The following UPF3A variants were observed in gnomAD, a reference collection of about 807,000 sequenced individuals.
UPF3A encodes UPF3A regulator of nonsense mediated mRNA decay.
A neutral mutation model predicts 53.5 loss-of-function variants in UPF3A; 42 were observed. That is an observed-to-expected ratio of 0.78 (90% CI 0.61 to 1.01). The LOEUF is 1.01. Ranked by LOEUF, UPF3A falls within the 50% of genes least tolerant of loss-of-function variation. The probability of loss-of-function intolerance (pLI) is 0.00; values close to 1 mark genes in which losing one functional copy is unlikely to be tolerated. For synonymous variants in UPF3A, 237 were observed against 225.3 expected (o/e 1.05, Z -0.47); for missense variants, 575 against 598.0 (o/e 0.96, Z 0.40).
At position 114,295,519 on chromosome 13, in the gene UPF3A, C is replaced by T. The variant is rs2085872920; in HGVS notation, c.847-3321C>T. 2.6e-5 allele frequency among the ~76,000 whole-genome samples: 4 copies of T among 152,338 alleles called. 1 individual carries two copies. In the South Asian group the frequency reaches 8.3e-4, roughly 32 times the overall value. On this transcript the variant is annotated intron_variant, in intron 7 of 9. Coordinates refer to ENST00000375299, the MANE Select transcript of UPF3A (RefSeq NM_023011.4). ...TCCACAGGGACTTCCCCAGATGTGC[C>T]CGTGGCTCCTTCTTGGCATCTGGTC... is the stretch of plus-strand genomic sequence containing the variant.
At chr13:114,281,906 A>AGGGGAGGGAGGGGAGGGG (rs2084059822) in intron 1 of UPF3A, 60 bp downstream of exon 1, 1 of 489,470 alleles carries the variant, frequency 2.0e-6, no homozygotes, top group African/African-American at 2.7e-5. Flanking sequence ...GAGTGGAGGG[A>AGGGGAGGGAGGGGAGGGG]GGGGAGGGAG....
intron 2 of UPF3A, 86 bp from the exon 3 acceptor site, chr13:114,282,751 G>C (rs1481188112): frequency 6.5e-7 from 1 of 1,537,944 alleles, no homozygotes; most frequent in Non-Finnish European, 8.8e-7. Flanking sequence ...AAAGTAGTTT[G>C]TTGTGCCCAG....
chr13:114,297,220 C>G (rs2086127862), intron 7 of UPF3A, among the ~76,000 whole-genome samples: 1 of 147,354 alleles, frequency 6.8e-6, no homozygotes, highest in African/African-American at 2.5e-5. Context: ...TGTGGTGCTT[C>G]CGTTTTTTTT....
chr13:114,302,475 C>CT (rs369189119), intron 9 of UPF3A, among the ~76,000 whole-genome samples: 4,229 of 150,276 alleles, frequency 0.028, 207 homozygotes, highest in African/African-American at 0.098. Context: ...AAGCAAACAA[C>CT]TTTTTTTTTT....
intron 1 of UPF3A, 30 bp from the exon 2 acceptor site, chr13:114,281,991 C>G: frequency 6.5e-7 from 1 of 1,535,564 alleles, no homozygotes; most frequent in East Asian, 2.5e-5. Context: ...ACGCTCCGCC[C>G]CGGTGGGAAC....
chr13:114,292,315 G>A (rs536406830), intron 7 of UPF3A, among the ~76,000 whole-genome samples: 3 of 148,886 alleles, frequency 2.0e-5, no homozygotes, highest in Non-Finnish European at 3.0e-5. Flanking sequence ...GACTCAAGGC[G>A]TACACGTGCA....
At chr13:114,283,046 AG>A in intron 3 of UPF3A, 103 bp downstream of exon 3, 1 of 934,380 alleles carries the variant, frequency 1.1e-6, no homozygotes, top group Non-Finnish European at 1.6e-6. Flanking sequence ...TTTTTGAGAC[AG>A]GGTCTTGCTC....
At chr13:114,294,600 C>T (rs141444390) in intron 7 of UPF3A, among the ~76,000 whole-genome samples, 40 of 152,252 alleles carry the variant, frequency 2.6e-4, no homozygotes, top group African/African-American at 8.2e-4. Context: ...CCGAGGCGGG[C>T]GTATCACGAG....
At chr13:114,297,556 G>T (rs1404136158) in intron 7 of UPF3A, among the ~76,000 whole-genome samples, 1 of 152,204 alleles carries the variant, frequency 6.6e-6, no homozygotes, top group Non-Finnish European at 1.5e-5. Flanking sequence ...TATTGGCCGG[G>T]CATGGTGGCT....
chr13:114,304,509 C>T (rs760215402), intron 9 of UPF3A, among the ~76,000 whole-genome samples: 1 of 152,154 alleles, frequency 6.6e-6, no homozygotes, highest in Non-Finnish European at 1.5e-5. Flanking sequence ...GTTCACTTCC[C>T]AACTCAGAGG....
chr13:114,290,734 C>CTTTTTTTTTTT (rs112441605), intron 5 of UPF3A, among the ~76,000 whole-genome samples: 1 of 138,424 alleles, frequency 7.2e-6, no homozygotes, highest in Non-Finnish European at 1.6e-5. Context: ...TCTTTTTTTT[C>CTTTTTTTTTTT]TTTTTTTTTT....
chr13:114,288,025 G>A (rs1878265193), intron 5 of UPF3A, among the ~76,000 whole-genome samples: 1 of 152,160 alleles, frequency 6.6e-6, no homozygotes, highest in Non-Finnish European at 1.5e-5. Context: ...GGCTGGTCTT[G>A]AACTCCTGAT....
chr13:114,299,572 T>C (rs1012570925), intron 8 of UPF3A, among the ~76,000 whole-genome samples: 1 of 152,224 alleles, frequency 6.6e-6, no homozygotes, highest in African/African-American at 2.4e-5. Flanking sequence ...GTCCTCCCTT[T>C]TTCTTTTCCT....
At chr13:114,289,489 A>C (rs2085066062) in intron 5 of UPF3A, among the ~76,000 whole-genome samples, 1 of 147,228 alleles carries the variant, frequency 6.8e-6, no homozygotes, top group South Asian at 2.1e-4. Context: ...ACGCCACTGC[A>C]CTCCAGCCTG....
At chr13:114,294,391 C>T (rs2139276711) in intron 7 of UPF3A, among the ~76,000 whole-genome samples, 1 of 151,846 alleles carries the variant, frequency 6.6e-6, no homozygotes, top group East Asian at 1.9e-4. Flanking sequence ...GCCTCAGCCT[C>T]CCATTACAGG....
intron 5 of UPF3A, among the ~76,000 whole-genome samples, chr13:114,289,063 T>C (rs2085020717): frequency 6.6e-6 from 1 of 152,060 alleles, no homozygotes; most frequent in African/African-American, 2.4e-5. Flanking sequence ...GGGCATGTCC[T>C]GGCACCTCCC....
intron 7 of UPF3A, among the ~76,000 whole-genome samples, chr13:114,292,433 C>T (rs1359679732): frequency 3.4e-5 from 5 of 145,932 alleles, no homozygotes; most frequent in African/African-American, 1.3e-4. Context: ...TGTTCATTTT[C>T]GGTTCAAGGC....
In UPF3A at chr13:114,291,859, A is replaced by G. The variant is rs550085568; in HGVS notation, c.846+67A>G. The G allele has an allele frequency of 2.6e-5, 39 of 1,485,696 alleles. No homozygotes were observed. In the South Asian group the frequency reaches 4.8e-4, roughly 18 times the overall value. 92.0% of individuals were successfully genotyped at this position (1,485,696 alleles called of 1,614,324 possible). Reference sequence around the variant, plus strand: ...GCTATAGTAATTACACTTTTTACATATCTTAGTTCTTTAGAATTTTGAAAA... The same window carrying G: ...GCTATAGTAATTACACTTTTTACATGTCTTAGTTCTTTAGAATTTTGAAAA... On this transcript the variant is annotated intron_variant, in intron 7 of 9. Coordinates refer to ENST00000375299, the MANE Select transcript of UPF3A (RefSeq NM_023011.4).
chr13:114,282,989 C>T, intron 3 of UPF3A, 46 bp downstream of exon 3: 1 of 1,312,808 alleles, frequency 7.6e-7, no homozygotes, highest in Non-Finnish European at 1.1e-6. Context: ...TGTAGGTATA[C>T]TAATGAAGTA....
Sources: gnomAD v4.1 joint callset for allele counts (sites outside exome capture counted in the v4.1 genomes callset) on GRCh38, gnomAD v4.1.1 for gene constraint, MANE v1.5 for transcripts, NCBI Gene and HGNC (gene_info 2026-07-23, HGNC 2026-07-21) for gene names.